Variants in MICU1 observed in about 807,000 individuals in gnomAD.
MICU1 encodes calcium uptake protein 1, mitochondrial.
A neutral mutation model predicts 56.8 loss-of-function variants in MICU1; 45 were observed. That is an observed-to-expected ratio of 0.79 (90% CI 0.62 to 1.02). The LOEUF (loss-of-function observed/expected upper bound fraction) is 1.02, where lower values mean the gene tolerates loss of function less well. MICU1 is among the 50% of genes least tolerant of loss of function. MICU1 has a pLI of 0.00. For synonymous variants in MICU1, 186 were observed against 195.1 expected (o/e 0.95, Z 0.39); for missense variants, 504 against 587.1 (o/e 0.86, Z 1.46).
At chr10:72,492,767 T>C (rs1194176790) in intron 6 of MICU1, among the ~76,000 whole-genome samples, 2 of 121,210 alleles carry the variant, frequency 1.7e-5, no homozygotes, top group African/African-American at 7.1e-5. Context: ...TGTCTCAAAA[T>C]AAATAAAATA....
intron 8 of MICU1, among the ~76,000 whole-genome samples, chr10:72,432,761 C>T (rs906180353): frequency 2.0e-5 from 3 of 152,214 alleles, no homozygotes; most frequent in South Asian, 2.1e-4. Context: ...TCCACTCCCA[C>T]GACCCAAACA....
At chr10:72,573,403 C>T (rs895527757) in intron 1 of MICU1, among the ~76,000 whole-genome samples, 3 of 141,274 alleles carry the variant, frequency 2.1e-5, no homozygotes, top group Non-Finnish European at 3.0e-5. Flanking sequence ...AAAATAAGAA[C>T]GCATATGTAC....
At chr10:72,393,645 G>A (rs1032824202) in intron 10 of MICU1, among the ~76,000 whole-genome samples, 4 of 152,254 alleles carry the variant, frequency 2.6e-5, no homozygotes, top group Non-Finnish European at 4.4e-5. Flanking sequence ...GGCGAGGGCT[G>A]TGGTAGGAGA....
rs192548660 is a variant in MICU1 at position 72,471,863 on chromosome 10, T to C, written c.933+3237A>G. ...AGATGAGGTCTACTTCTTTCTTCTATACTCTGAGGAGTATATTGGAACATT... is the reference window on the plus strand; with the variant it reads ...AGATGAGGTCTACTTCTTTCTTCTACACTCTGAGGAGTATATTGGAACATT... On this transcript the variant is annotated intron_variant, in intron 8 of 11. Transcript: ENST00000361114. Among the ~76,000 whole-genome samples the C allele has an allele frequency of 2.8e-3, 429 of 152,232 alleles. 2 individuals carry two copies. Among genetic ancestry groups the C allele is most frequent in the Non-Finnish European group, 5.2e-3 (355 of 68,010 alleles).
rs538021920 is a variant in MICU1, at chr10:72,540,240, C to CT, written c.494-6452dup. Among the ~76,000 whole-genome samples the CT allele has an allele frequency of 6.8e-4, 99 of 145,744 alleles. 1 individual carries two copies. The Middle Eastern group carries it at 0.014, about 20-fold the overall frequency. On this transcript the variant is annotated intron_variant, in intron 4 of 11. Coordinates refer to ENST00000361114, the MANE Select transcript of MICU1 (RefSeq NM_001195518.2). ...CGAGATTGTGCCACTGCACTCCAGCCTGGGCAACCAGAGTGAAACTCCATC... is the reference window on the plus strand; with the variant it reads ...CGAGATTGTGCCACTGCACTCCAGCCTTGGGCAACCAGAGTGAAACTCCATC...
intron 4 of MICU1, among the ~76,000 whole-genome samples, chr10:72,549,450 C>T (rs1303623743): frequency 6.6e-6 from 1 of 152,006 alleles, no homozygotes; most frequent in African/African-American, 2.4e-5. Context: ...ATCAGCTTCC[C>T]AAAGTGTTGG....
intron 10 of MICU1, among the ~76,000 whole-genome samples, chr10:72,394,738 A>C (rs906359707): frequency 6.6e-6 from 1 of 152,250 alleles, no homozygotes; most frequent in African/African-American, 2.4e-5. Context: ...TGGGAGGCCA[A>C]GGCAGAAGGA....
chr10:72,477,069 G>A, intron 7 of MICU1, 105 bp downstream of exon 7: 1 of 718,780 alleles, frequency 1.4e-6, no homozygotes, highest in Non-Finnish European at 2.1e-6. Context: ...TTCAAAAATT[G>A]GAATAGCCTC....
chr10:72,546,519 G>A (rs1194655532), intron 4 of MICU1, among the ~76,000 whole-genome samples: 2 of 152,050 alleles, frequency 1.3e-5, no homozygotes, highest in East Asian at 3.9e-4. Flanking sequence ...TCCACCATGT[G>A]GCTACACTGG....
chr10:72,615,504 A>C (rs1175528011), intron 1 of MICU1, among the ~76,000 whole-genome samples: 1 of 152,084 alleles, frequency 6.6e-6, no homozygotes, highest in African/African-American at 2.4e-5. Flanking sequence ...TCACAGTCAA[A>C]TTAAGTATTT....
At chr10:72,484,478 G>A (rs1331803490) in intron 6 of MICU1, among the ~76,000 whole-genome samples, 1 of 151,888 alleles carries the variant, frequency 6.6e-6, no homozygotes, top group Non-Finnish European at 1.5e-5. Flanking sequence ...AAAGTATTAC[G>A]TTGTATCATG....
chr10:72,429,431 A>AAAG (rs1864454588), intron 8 of MICU1, among the ~76,000 whole-genome samples: 1 of 151,764 alleles, frequency 6.6e-6, no homozygotes. Flanking sequence ...AAAAAAAAAA[A>AAAG]AAAAGAAAAA....
chr10:72,532,354 A>T (rs549233037), intron 5 of MICU1, among the ~76,000 whole-genome samples: 1 of 152,100 alleles, frequency 6.6e-6, no homozygotes, highest in Non-Finnish European at 1.5e-5. Flanking sequence ...TGAATTTGCT[A>T]TAAGTTATTA....
At chr10:72,513,359 G>A (rs568445788) in intron 5 of MICU1, among the ~76,000 whole-genome samples, 5 of 151,962 alleles carry the variant, frequency 3.3e-5, no homozygotes, top group African/African-American at 9.6e-5. Flanking sequence ...TATCTTCTTT[G>A]GAGAAATGTC....
chr10:72,458,578 G>A (rs1358173435), intron 8 of MICU1, among the ~76,000 whole-genome samples: 1 of 152,136 alleles, frequency 6.6e-6, no homozygotes, highest in Non-Finnish European at 1.5e-5. Flanking sequence ...AAACTTTAAA[G>A]GGTAGAAAGC....
At chr10:72,528,105 C>T (rs530303636) in intron 5 of MICU1, among the ~76,000 whole-genome samples, 1 of 152,324 alleles carries the variant, frequency 6.6e-6, no homozygotes, top group East Asian at 1.9e-4. Context: ...CGATTACAGG[C>T]CTGAGCCTCT....
At chr10:72,471,538 T>C (rs923076686) in intron 8 of MICU1, among the ~76,000 whole-genome samples, 3 of 152,236 alleles carry the variant, frequency 2.0e-5, no homozygotes, top group African/African-American at 7.2e-5. Flanking sequence ...AGTGCTCTGG[T>C]TGACCCTGTA....
At chr10:72,406,679 C>G (rs1247421896) in intron 10 of MICU1, among the ~76,000 whole-genome samples, 1 of 151,492 alleles carries the variant, frequency 6.6e-6, no homozygotes, top group Non-Finnish European at 1.5e-5. Context: ...TGGGCTCAAG[C>G]AATCCTGCAC....
At chr10:72,403,135 T>C (rs920496358) in intron 10 of MICU1, among the ~76,000 whole-genome samples, 2 of 152,108 alleles carry the variant, frequency 1.3e-5, no homozygotes, top group Admixed American at 6.5e-5. Context: ...CCCAGCACTT[T>C]GGGAGGCCGA....
Sources: gnomAD v4.1 joint callset for allele counts (sites outside exome capture counted in the v4.1 genomes callset) on GRCh38, gnomAD v4.1.1 for gene constraint, MANE v1.5 for transcripts, NCBI Gene and HGNC (gene_info 2026-07-23, HGNC 2026-07-21) for gene names.